The following ADCY7 variants were observed in gnomAD, a reference collection of about 807,000 sequenced individuals.
ADCY7 encodes the protein adenylate cyclase type 7.
Under a neutral mutation model 120.6 loss-of-function variants are expected in ADCY7, and 72 were observed. That is an observed-to-expected ratio of 0.60 (90% CI 0.49 to 0.73). The LOEUF (loss-of-function observed/expected upper bound fraction) is 0.73, where lower values mean the gene tolerates loss of function less well. Ranked by LOEUF, ADCY7 falls within the 30% of genes least tolerant of loss-of-function variation. The pLI, the probability that ADCY7 is intolerant of heterozygous loss-of-function variation, is 0.00. For synonymous variants in ADCY7, 661 were observed against 628.0 expected (o/e 1.05, Z -0.78); for missense variants, 1,227 against 1,486.0 (o/e 0.83, Z 2.87).
intron 1 of ADCY7, among the ~76,000 whole-genome samples, chr16:50,278,705 T>C (rs755442898): frequency 6.6e-6 from 1 of 152,136 alleles, no homozygotes; most frequent in Non-Finnish European, 1.5e-5. Flanking sequence ...CTGGTATAAG[T>C]TGTGAATCCA....
Position 50,304,941 on chromosome 16 carries a change from AC to A in ADCY7, c.1579del (p.Arg527AlafsTer76), listed in dbSNP as rs1258227019. ...GRRPKSVPQR[H>X]RRTPDRSMSP... Reference sequence around the variant, plus strand: ...CCCTTTCAGAGCGTTCCCCAGCGCCACCGCCGGACCCCAGACAGGTGCGTGC... The same window carrying A: ...CCCTTTCAGAGCGTTCCCCAGCGCCACGCCGGACCCCAGACAGGTGCGTGC... On this transcript the variant is annotated frameshift_variant, in exon 12 of 26. Coordinates refer to ENST00000673801, the MANE Select transcript of ADCY7 (RefSeq NM_001114.5). LOFTEE classifies it high-confidence loss of function. The A allele has an allele frequency of 6.2e-7, 1 of 1,613,270 alleles. No individual in the cohort carries two copies. Among genetic ancestry groups the A allele is most frequent in the East Asian group, 2.2e-5 (1 of 44,856 alleles).
Position 50,308,786 on chromosome 16 carries a change from C to T in ADCY7, c.2055C>T (p.Ile685=), listed in dbSNP as rs890003971. ...GCAGCCTGCTCACTGTGGCCATCAT[C>T]AACCTGGTGGGTCCCGTGGTGGGGA... ...TIGSLLTVAI[I]NLPLMPFQVP... The change falls in exon 17 of 26, where the codon ATC becomes ATT. Residue 685 remains isoleucine (I), a synonymous_variant. Coordinates refer to ENST00000673801, the MANE Select transcript of ADCY7 (RefSeq NM_001114.5). 1.2e-6 allele frequency: 2 copies of T among 1,609,224 alleles called. No individual in the cohort carries two copies. The highest frequency in any genetic ancestry group is 2.7e-5 in the African/African-American group (2 of 74,932).
chr16:50,294,896 C>T, intron 7 of ADCY7, 145 bp downstream of exon 7: 1 of 614,362 alleles, frequency 1.6e-6, no homozygotes, highest in African/African-American at 1.8e-5. Context: ...ACACAAGCGC[C>T]CCATGGTAAA....
At chr16:50,277,438 G>C (rs1263343114) in intron 1 of ADCY7, among the ~76,000 whole-genome samples, 2 of 152,206 alleles carry the variant, frequency 1.3e-5, no homozygotes, top group Non-Finnish European at 2.9e-5. Flanking sequence ...GGGAATGTGA[G>C]TGACTGTTTC....
At chr16:50,305,284 G>A (rs758769301) in intron 12 of ADCY7, among the ~76,000 whole-genome samples, 3 of 152,180 alleles carry the variant, frequency 2.0e-5, no homozygotes, top group Non-Finnish European at 4.4e-5. Context: ...ACTGGGGCTC[G>A]GGTCTGCCCT....
At chr16:50,251,530 AG>A (rs1314529543) in intron 1 of ADCY7, among the ~76,000 whole-genome samples, 5 of 152,204 alleles carry the variant, frequency 3.3e-5, no homozygotes, top group African/African-American at 1.2e-4. Flanking sequence ...CCGTGGGAGG[AG>A]GACTGCAGAA....
chr16:50,307,736 G>A (rs971637337), intron 15 of ADCY7, among the ~76,000 whole-genome samples: 6 of 152,144 alleles, frequency 3.9e-5, no homozygotes, highest in African/African-American at 1.4e-4. Context: ...GGTGACTCAC[G>A]CCTGTAATCC....
At chr16:50,282,738 T>TTTG (rs1567545689) in intron 1 of ADCY7, among the ~76,000 whole-genome samples, 1 of 150,100 alleles carries the variant, frequency 6.7e-6, no homozygotes, top group Non-Finnish European at 1.5e-5. Flanking sequence ...CAGACAGGAT[T>TTTG]CTCTATCACC....
chr16:50,293,879 C>A (rs1378418533), intron 6 of ADCY7, among the ~76,000 whole-genome samples: 1 of 152,208 alleles, frequency 6.6e-6, no homozygotes, highest in African/African-American at 2.4e-5. Flanking sequence ...CCAAGAGTGC[C>A]CCGGTTCTGA....
chr16:50,270,336 T>C (rs1290750300), intron 1 of ADCY7, among the ~76,000 whole-genome samples: 4 of 152,224 alleles, frequency 2.6e-5, no homozygotes, highest in Non-Finnish European at 5.9e-5. Context: ...CCAGAGGTTA[T>C]CCGGTCCAGC....
rs1204428339 is a variant in ADCY7, at chr16:50,307,164, G to A, written c.1850+17G>A. On this transcript the variant is annotated intron_variant, in intron 15 of 25. Coordinates refer to ENST00000673801, the MANE Select transcript of ADCY7 (RefSeq NM_001114.5). ...CATGCCCAGGTCAGTTGCAGGGAGGGGTGTGGGGGTCCGGCCTGCTGGGAT... is the reference window on the plus strand; with the variant it reads ...CATGCCCAGGTCAGTTGCAGGGAGGAGTGTGGGGGTCCGGCCTGCTGGGAT... 2.5e-6 allele frequency: 4 copies of A among 1,607,214 alleles called. No individual in the cohort carries two copies. Among genetic ancestry groups the A allele is most frequent in the Admixed American group, 3.3e-5 (2 of 59,890 alleles).
chr16:50,311,805 C>CG lies in ADCY7; in HGVS notation c.2448+19_2448+20insG, dbSNP rs1555525903. On this transcript the variant is annotated intron_variant, in intron 20 of 25. Coordinates refer to ENST00000673801, the MANE Select transcript of ADCY7 (RefSeq NM_001114.5). ...CAGACAGGTAAGGAGGCTGGCCCCC[C>CG]CCCCCCCCCCAAGCTCTGCCCACTT... 106 of 1,310,752 alleles carry CG rather than the reference C, an allele frequency of 8.1e-5. 3 individuals carry two copies. In the African/African-American group the frequency reaches 1.4e-3, roughly 17 times the overall value. 81.2% of individuals were successfully genotyped at this position (1,310,752 alleles called of 1,614,324 possible). A position where few individuals can be genotyped will look rare whatever the true frequency, so the allele number is the denominator to read the frequency against.
chr16:50,254,360 T>A (rs2032850149), intron 1 of ADCY7, among the ~76,000 whole-genome samples: 1 of 152,198 alleles, frequency 6.6e-6, no homozygotes, highest in African/African-American at 2.4e-5. Context: ...AATGGTAGTC[T>A]ATGTTACTAA....
At chr16:50,256,167 C>T (rs1486321694) in intron 1 of ADCY7, among the ~76,000 whole-genome samples, 1 of 152,174 alleles carries the variant, frequency 6.6e-6, no homozygotes, top group Non-Finnish European at 1.5e-5. Flanking sequence ...AAAATATTTG[C>T]AAGCCAAACA....
At chr16:50,280,755 C>A (rs62028328) in intron 1 of ADCY7, among the ~76,000 whole-genome samples, 14,539 of 152,258 alleles carry the variant, frequency 0.095, 882 homozygotes, top group Middle Eastern at 0.22. Flanking sequence ...CCACCCCCAG[C>A]CCAGTCCCAA....
Position 50,294,856 on chromosome 16 carries a change from C to T in ADCY7, c.948+105C>T, listed in dbSNP as rs905645772. 28 of 761,406 alleles carry T rather than the reference C, an allele frequency of 3.7e-5. 1 individual carries two copies. The East Asian group carries it at 5.6e-4, about 15-fold the overall frequency. The allele number at this position is 761,406 out of a possible 1,614,324, so 47.2% of individuals were successfully genotyped here. The stretch of plus-strand genomic sequence containing the variant: ...CCCTGCTGGAATTGGGATGGGGAGG[C>T]GTGGCTGAATTTTAGCATCCAGCCA... On this transcript the variant is annotated intron_variant, in intron 7 of 25. Coordinates refer to ENST00000673801, the MANE Select transcript of ADCY7 (RefSeq NM_001114.5).
At chr16:50,311,867 T>TGGGGC (rs1336999780) in intron 20 of ADCY7, 81 bp downstream of exon 20, 43 of 1,283,538 alleles carry the variant, frequency 3.4e-5, no homozygotes, top group Admixed American at 8.8e-5. Context: ...TGGGGTGGGG[T>TGGGGC]GGGCTCAGGT....
intron 22 of ADCY7, chr16:50,313,693 TAA>T (rs2036615185): frequency 2.3e-6 from 1 of 434,072 alleles, no homozygotes; most frequent in South Asian, 5.5e-5. Context: ...CCTGTGTAGA[TAA>T]TGCTGTGTTT....
At chr16:50,251,906 C>T (rs984292509) in intron 1 of ADCY7, among the ~76,000 whole-genome samples, 1 of 152,252 alleles carries the variant, frequency 6.6e-6, no homozygotes, top group Non-Finnish European at 1.5e-5. Context: ...TGCCTTGACT[C>T]AGCCAGTATT....
Sources: allele counts gnomAD v4.1 joint callset (sites outside exome capture counted in the v4.1 genomes callset), GRCh38; gene constraint gnomAD v4.1.1; transcripts MANE v1.5; gene names NCBI Gene and HGNC (gene_info 2026-07-23, HGNC 2026-07-21).